SEPTIN9: variants seen among roughly 807,000 people sequenced by gnomAD.
SEPTIN9 encodes septin-9.
Under a neutral mutation model 56.6 loss-of-function variants are expected in SEPTIN9, and 13 were observed. That is an observed-to-expected ratio of 0.23 (90% CI 0.15 to 0.37). The LOEUF (loss-of-function observed/expected upper bound fraction) is 0.37. Ranked by LOEUF, SEPTIN9 falls within the 10% of genes least tolerant of loss-of-function variation. SEPTIN9 has a pLI of 1.00. For missense variants in SEPTIN9, 650 were observed against 823.1 expected, an observed-to-expected ratio of 0.79 and a Z score of 2.57; for synonymous variants, 332 against 334.1, an observed-to-expected ratio of 0.99 and a Z score of 0.07.
rs149350843 is a variant in SEPTIN9, at chr17:77,384,909, G to A, written c.77-17150G>A. Among the ~76,000 whole-genome samples the A allele has an allele frequency of 2.8e-3, 424 of 150,910 alleles. 1 individual carries two copies. Among genetic ancestry groups the A allele is most frequent in the Non-Finnish European group, 4.8e-3 (328 of 67,866 alleles). On this transcript the variant is annotated intron_variant, in intron 2 of 11. Transcript: ENST00000427177. ...CACACTCCCCAGTAAAGAGTGGAAA[G>A]ACATTTGTCAGAATATTGATGGAAG... is the stretch of plus-strand genomic sequence containing the variant.
chr17:77,283,178 T>TTTA (rs1491120589), intron 1 of SEPTIN9, among the ~76,000 whole-genome samples: 1 of 146,970 alleles, frequency 6.8e-6, no homozygotes, highest in Admixed American at 6.7e-5. Context: ...TTTTTTTTTT[T>TTTA]AAAAAAAAGG....
intron 3 of SEPTIN9, chr17:77,466,304 C>T: frequency 1.2e-6 from 1 of 800,296 alleles, no homozygotes; most frequent in Non-Finnish European, 1.5e-6. Flanking sequence ...CCAGTGGGCG[C>T]AGCCTCAGGA....
chr17:77,454,066 G>A (rs1469283970), intron 3 of SEPTIN9: 1 of 985,544 alleles, frequency 1.0e-6, no homozygotes, highest in East Asian at 1.1e-4. Context: ...AGTGTGGGAA[G>A]AGGGCTTTAT....
chr17:77,320,893 ATG>A (rs2143656506), intron 2 of SEPTIN9, among the ~76,000 whole-genome samples: 1 of 152,306 alleles, frequency 6.6e-6, no homozygotes, highest in East Asian at 1.9e-4. Context: ...GTGTGTGTGC[ATG>A]TGTGTGCGTG....
intron 3 of SEPTIN9, among the ~76,000 whole-genome samples, chr17:77,420,663 T>A (rs2036668140): frequency 6.6e-6 from 1 of 151,972 alleles, no homozygotes; most frequent in Non-Finnish European, 1.5e-5. Context: ...TGCTCCTCTG[T>A]CCCCCATCTG....
At chr17:77,477,667 G>C (rs1235046771) in intron 3 of SEPTIN9, among the ~76,000 whole-genome samples, 4 of 152,178 alleles carry the variant, frequency 2.6e-5, no homozygotes, top group African/African-American at 9.7e-5. Flanking sequence ...GAGCTGGGAG[G>C]GAGGTCAGGA....
Position 77,499,469 on chromosome 17 carries a change from C to T in SEPTIN9, c.*811C>T, listed in dbSNP as rs745742065. On this transcript the variant is annotated 3_prime_UTR_variant, in exon 12 of 12. Coordinates refer to ENST00000427177, the MANE Select transcript of SEPTIN9 (RefSeq NM_001113491.2). ...AAGGAAGGAGAGATGACCCCTACCC[C>T]CTCATCCCCCAGTTTTGAAAAGGTC... 3.9e-6 allele frequency: 2 copies of T among 517,672 alleles called. No individual in the cohort carries two copies. Among genetic ancestry groups the T allele is most frequent in the South Asian group, 1.6e-5 (1 of 62,692 alleles). The allele number at this position is 517,672 out of a possible 1,614,324, so 32.1% of individuals were successfully genotyped here.
At chr17:77,291,861 C>G (rs952775832) in intron 1 of SEPTIN9, among the ~76,000 whole-genome samples, 4 of 152,162 alleles carry the variant, frequency 2.6e-5, no homozygotes, top group African/African-American at 9.7e-5. Flanking sequence ...CATGATGAGT[C>G]CCTTTTCTGG....
At chr17:77,356,219 G>A (rs1204381865) in intron 2 of SEPTIN9, among the ~76,000 whole-genome samples, 2 of 152,128 alleles carry the variant, frequency 1.3e-5, no homozygotes, top group Non-Finnish European at 2.9e-5. Flanking sequence ...ACACTGCCTG[G>A]TGCCCAGCCC....
intron 2 of SEPTIN9, among the ~76,000 whole-genome samples, chr17:77,396,764 C>T (rs762093762): frequency 5.3e-5 from 8 of 152,160 alleles, no homozygotes; most frequent in Non-Finnish European, 8.8e-5. Flanking sequence ...GCCCATGAGG[C>T]ATCCCTGGCA....
intron 3 of SEPTIN9, among the ~76,000 whole-genome samples, chr17:77,414,572 C>CTTTTTTTTT (rs559525322): frequency 1.6e-5 from 2 of 123,834 alleles, no homozygotes; most frequent in Non-Finnish European, 3.4e-5. Context: ...TGTGTGGATT[C>CTTTTTTTTT]TTTTTTTTTT....
At chr17:77,428,548 G>A (rs1233898825) in intron 3 of SEPTIN9, among the ~76,000 whole-genome samples, 2 of 152,222 alleles carry the variant, frequency 1.3e-5, no homozygotes, top group Non-Finnish European at 2.9e-5. Context: ...TCACAGGCTC[G>A]GCAGATGTTA....
chr17:77,396,751 A>G (rs1456958187), intron 2 of SEPTIN9, among the ~76,000 whole-genome samples: 4 of 152,060 alleles, frequency 2.6e-5, no homozygotes, highest in East Asian at 1.9e-4. Flanking sequence ...TGGGGAGGCA[A>G]TTGCCCATGA....
At chr17:77,354,317 C>T (rs1293699113) in intron 2 of SEPTIN9, among the ~76,000 whole-genome samples, 6 of 152,324 alleles carry the variant, frequency 3.9e-5, no homozygotes, top group South Asian at 2.1e-4. Flanking sequence ...CTACCTTACA[C>T]GCACATGAAC....
chr17:77,482,724 C>T (rs392287), intron 4 of SEPTIN9: 6 of 544,260 alleles, frequency 1.1e-5, no homozygotes, highest in South Asian at 8.9e-5. Context: ...CCCCACCGCA[C>T]CCCGGCCAGA....
In SEPTIN9 at chr17:77,367,614, G is replaced by A. The variant is rs191280539; in HGVS notation, c.77-34445G>A. 4.7e-4 allele frequency among the ~76,000 whole-genome samples: 71 copies of A among 152,066 alleles called. No individual in the cohort carries two copies. The highest frequency in any genetic ancestry group is 3.3e-3 in the East Asian group (17 of 5,174). On this transcript the variant is annotated intron_variant, in intron 2 of 11. Coordinates refer to ENST00000427177, the MANE Select transcript of SEPTIN9 (RefSeq NM_001113491.2). This position sits in a 1 kb window ranked among gnomAD's most constrained non-coding sequence, Gnocchi z 4.5. ...ATGGATCACTTGAGGCCAGGAGTTC[G>A]AGACTACCCTGGCCAACACGGTGAA...
At chr17:77,347,713 C>T (rs1334572071) in intron 2 of SEPTIN9, among the ~76,000 whole-genome samples, 1 of 151,872 alleles carries the variant, frequency 6.6e-6, no homozygotes, top group Non-Finnish European at 1.5e-5. Context: ...TACCATGGTG[C>T]GAACGTGGTA....
At position 77,497,306 on chromosome 17, in the gene SEPTIN9, C is replaced by G. The variant is rs376666044; in HGVS notation, c.1574-9C>G. 2 of 1,613,280 alleles carry G rather than the reference C, an allele frequency of 1.2e-6. No homozygotes were observed. Among genetic ancestry groups the G allele is most frequent in the African/African-American group, 2.7e-5 (2 of 74,924 alleles). ...GGGACATTAAAGCCCCTCCTGTCTC[C>G]TCTCCTAGTTGAAAACACCACACAC... On this transcript the variant is annotated splice_polypyrimidine_tract_variant and intron_variant, in intron 10 of 11. Transcript: ENST00000427177.
intron 2 of SEPTIN9, among the ~76,000 whole-genome samples, chr17:77,378,304 C>G (rs538518038): frequency 1.5e-4 from 23 of 152,038 alleles, no homozygotes; most frequent in African/African-American, 5.5e-4. Flanking sequence ...TGTAGGGATG[C>G]CCAGGCCGCC....
Sources: gnomAD v4.1 joint callset for allele counts (sites outside exome capture counted in the v4.1 genomes callset) on GRCh38, gnomAD v4.1.1 for gene constraint, Gnocchi (gnomAD v3.1) non-coding constraint, MANE v1.5 for transcripts, NCBI Gene and HGNC (gene_info 2026-07-23, HGNC 2026-07-21) for gene names.